LRMDA: variants seen among roughly 807,000 people sequenced by gnomAD.
LRMDA encodes leucine-rich melanocyte differentiation-associated protein.
A neutral mutation model predicts 29.8 loss-of-function variants in LRMDA; 18 were observed. The observed-to-expected ratio is 0.60, with a 90% CI of 0.42 to 0.90. The LOEUF is 0.90. Ranked by LOEUF, LRMDA falls within the 40% of genes least tolerant of loss-of-function variation. LRMDA has a pLI of 0.00. For missense variants in LRMDA, 273 were observed against 273.9 expected (o/e 1.00, Z 0.02); for synonymous variants, 125 against 109.4 (o/e 1.14, Z -0.89).
intron 5 of LRMDA, among the ~76,000 whole-genome samples, chr10:76,229,147 G>A (rs1407747534): frequency 6.6e-6 from 1 of 152,210 alleles, no homozygotes; most frequent in African/African-American, 2.4e-5. Flanking sequence ...AATATACCAA[G>A]TATGTCTTTG....
intron 6 of LRMDA, among the ~76,000 whole-genome samples, chr10:76,413,526 G>T (rs1271993229): frequency 2.0e-5 from 3 of 152,046 alleles, no homozygotes; most frequent in African/African-American, 7.2e-5. Context: ...AGAACAGTAT[G>T]GGGGAAACTG....
chr10:76,283,959 A>T lies in LRMDA; in HGVS notation c.517-40442A>T, dbSNP rs140161189. Reference sequence around the variant, plus strand: ...GGGACTACAGGCATGCACCACCACCACACCTTTCTTGTTTTACTGCTGTTA... The same window carrying T: ...GGGACTACAGGCATGCACCACCACCTCACCTTTCTTGTTTTACTGCTGTTA... On this transcript the variant is annotated intron_variant, in intron 5 of 6. Transcript: ENST00000611255. 3.2e-3 allele frequency among the ~76,000 whole-genome samples: 487 copies of T among 152,192 alleles called. 3 individuals are homozygous for T. Among genetic ancestry groups the T allele is most frequent in the Non-Finnish European group, 2.4e-3 (165 of 67,986 alleles).
rs117313637 is a variant in LRMDA at position 75,805,123 on chromosome 10, G to T, written c.132-230885G>T. On this transcript the variant is annotated intron_variant, in intron 2 of 6. Coordinates refer to ENST00000611255, the MANE Select transcript of LRMDA (RefSeq NM_001305581.2). The stretch of plus-strand genomic sequence containing the variant: ...CCTTGCCTTCTTCAATGCTGGTGTG[G>T]CGATGATTTTCTGTGAGGCCAGAGT... Among the ~76,000 whole-genome samples, 1,454 of 152,298 alleles carry T rather than the reference G, an allele frequency of 9.5e-3. 10 individuals are homozygous for T. The highest frequency in any genetic ancestry group is 0.013 in the Non-Finnish European group (916 of 68,010).
At chr10:75,857,301 C>A (rs1844843888) in intron 2 of LRMDA, among the ~76,000 whole-genome samples, 1 of 152,166 alleles carries the variant, frequency 6.6e-6, no homozygotes, top group South Asian at 2.1e-4. Context: ...TGGCATGTTT[C>A]CGAACCTCCT....
At chr10:75,716,640 T>G (rs1176834032) in intron 2 of LRMDA, among the ~76,000 whole-genome samples, 1 of 152,212 alleles carries the variant, frequency 6.6e-6, no homozygotes, top group Non-Finnish European at 1.5e-5. Flanking sequence ...GCTTCCATTC[T>G]GTGCATAGGA....
chr10:76,386,008 C>T (rs1011781178), intron 6 of LRMDA, among the ~76,000 whole-genome samples: 9 of 152,006 alleles, frequency 5.9e-5, no homozygotes, highest in African/African-American at 2.2e-4. Context: ...TAAAAGAGGA[C>T]AAAGAAAATC....
intron 6 of LRMDA, chr10:76,403,086 C>T (rs1841866237): frequency 6.6e-6 from 1 of 151,714 alleles, no homozygotes; most frequent in African/African-American, 2.4e-5. Flanking sequence ...AACAGGAGTG[C>T]CCCAGCAATG....
At chr10:76,267,827 A>G (rs982873217) in intron 5 of LRMDA, among the ~76,000 whole-genome samples, 1 of 152,164 alleles carries the variant, frequency 6.6e-6, no homozygotes, top group Admixed American at 6.6e-5. Context: ...ATGGTACCCA[A>G]TCTATTGACC....
chr10:75,712,078 C>T (rs998678610), intron 2 of LRMDA, among the ~76,000 whole-genome samples: 1 of 152,148 alleles, frequency 6.6e-6, no homozygotes, highest in Admixed American at 6.5e-5. Flanking sequence ...CTGCACTTGA[C>T]TACAGCTTAT....
At chr10:75,577,320 T>C (rs1840519698) in intron 2 of LRMDA, among the ~76,000 whole-genome samples, 1 of 151,412 alleles carries the variant, frequency 6.6e-6, no homozygotes. Context: ...TGAAATAAAG[T>C]GAGAAGACAA....
intron 6 of LRMDA, among the ~76,000 whole-genome samples, chr10:76,528,758 C>T (rs1343522566): frequency 6.6e-6 from 1 of 152,128 alleles, no homozygotes; most frequent in Non-Finnish European, 1.5e-5. Context: ...CAGTCCATAG[C>T]TGTTATGATA....
intron 5 of LRMDA, among the ~76,000 whole-genome samples, chr10:76,112,169 A>AGGGCGGAC (rs1171989152): frequency 1.3e-5 from 2 of 152,038 alleles, no homozygotes; most frequent in Non-Finnish European, 2.9e-5. Flanking sequence ...AGCTGGCGGG[A>AGGGCGGAC]GGGCGGACGG....
At chr10:76,025,494 C>A (rs143259474) in intron 2 of LRMDA, among the ~76,000 whole-genome samples, 3 of 151,842 alleles carry the variant, frequency 2.0e-5, no homozygotes, top group Non-Finnish European at 4.4e-5. Context: ...CCAAGCCCAG[C>A]GTCTCTGTCT....
chr10:75,985,663 G>A (rs1281149326), intron 2 of LRMDA, among the ~76,000 whole-genome samples: 1 of 152,200 alleles, frequency 6.6e-6, no homozygotes, highest in African/African-American at 2.4e-5. Context: ...ATGACACCCT[G>A]GTTGGCCAGT....
chr10:75,820,476 A>G (rs941624725), intron 2 of LRMDA, among the ~76,000 whole-genome samples: 1 of 152,244 alleles, frequency 6.6e-6, no homozygotes, highest in Non-Finnish European at 1.5e-5. Flanking sequence ...GAGACATAAC[A>G]TACCAAAACC....
chr10:75,582,114 G>A (rs1039770398), intron 2 of LRMDA, among the ~76,000 whole-genome samples: 6 of 152,112 alleles, frequency 3.9e-5, no homozygotes. Flanking sequence ...TCAGGGGCAG[G>A]GGGGAAGCTC....
chr10:76,083,460 G>A (rs1849079665), intron 5 of LRMDA, among the ~76,000 whole-genome samples: 1 of 152,206 alleles, frequency 6.6e-6, no homozygotes, highest in South Asian at 2.1e-4. Flanking sequence ...AGTAAGCTAT[G>A]TTTTCAATGG....
intron 2 of LRMDA, among the ~76,000 whole-genome samples, chr10:75,774,792 C>CCCA (rs1211309267): frequency 6.6e-6 from 1 of 152,108 alleles, no homozygotes; most frequent in Non-Finnish European, 1.5e-5. Context: ...TAACAACGTA[C>CCCA]CCACGGCAGT....
At chr10:76,406,987 G>A (rs940232025) in intron 6 of LRMDA, among the ~76,000 whole-genome samples, 6 of 152,086 alleles carry the variant, frequency 3.9e-5, no homozygotes, top group East Asian at 1.9e-4. Flanking sequence ...CTGCCCATTC[G>A]TGCAACCTTT....
Sources: gnomAD v4.1 joint callset for allele counts (sites outside exome capture counted in the v4.1 genomes callset) on GRCh38, gnomAD v4.1.1 for gene constraint, MANE v1.5 for transcripts, NCBI Gene and HGNC (gene_info 2026-07-23, HGNC 2026-07-21) for gene names.